Variants in ARHGAP35 observed in about 807,000 individuals in gnomAD.
ARHGAP35 encodes the protein rho GTPase-activating protein 35.
In ARHGAP35, 15 loss-of-function variants were observed where a neutral mutation model predicts 111.1. The ratio of observed to expected loss-of-function variants is 0.13; its 90% CI spans 0.09 to 0.21. The LOEUF (loss-of-function observed/expected upper bound fraction) is 0.21, where lower values mean the gene tolerates loss of function less well. Among genes scored for constraint, ARHGAP35 ranks in the 10% least tolerant of loss-of-function variants. The pLI is 1.00. For synonymous variants in ARHGAP35, 643 were observed against 710.3 expected, an observed-to-expected ratio of 0.91 and a Z score of 1.51; for missense variants, 1,262 against 1,873.0, an observed-to-expected ratio of 0.67 and a Z score of 6.02.
In ARHGAP35 at chr19:46,986,639, AATGTAAAC is replaced by A. The variant is rs1201855574; in HGVS notation, c.3827-1347_3827-1340del. Among the ~76,000 whole-genome samples, 4 of 152,224 alleles carry A rather than the reference AATGTAAAC, an allele frequency of 2.6e-5. No individual in the cohort carries two copies. Among genetic ancestry groups the A allele is most frequent in the Non-Finnish European group, 5.9e-5 (4 of 68,048 alleles). ...TAGAAGACAGATAACAAAAAGGAAA[AATGTAAAC>A]ATATATAACGTTGATATAATTACTT... On this transcript the variant is annotated intron_variant, in intron 3 of 6. Coordinates refer to ENST00000672722, the MANE Select transcript of ARHGAP35 (RefSeq NM_004491.5). The surrounding 1 kb of genome is among the most constrained non-coding windows in gnomAD (Gnocchi z 4.3).
intron 1 of ARHGAP35, among the ~76,000 whole-genome samples, chr19:46,882,738 T>G (rs2055969305): frequency 6.6e-6 from 1 of 152,118 alleles, no homozygotes; most frequent in Non-Finnish European, 1.5e-5. Context: ...CACTTTTGAG[T>G]GAGAACATGC....
chr19:46,896,965 C>A (rs925308653), intron 1 of ARHGAP35, among the ~76,000 whole-genome samples: 3 of 152,132 alleles, frequency 2.0e-5, no homozygotes, highest in Admixed American at 1.3e-4. Context: ...GCGATCTTAG[C>A]TCACTGCAAC....
At chr19:46,871,698 G>A (rs1441620598) in intron 1 of ARHGAP35, among the ~76,000 whole-genome samples, 4 of 151,926 alleles carry the variant, frequency 2.6e-5, no homozygotes, top group Non-Finnish European at 5.9e-5. Context: ...TCTATAGAGG[G>A]CTGGGTGCAG....
Position 46,988,392 on chromosome 19 carries a change from C to A in ARHGAP35, c.3904+326C>A. On this transcript the variant is annotated intron_variant, in intron 4 of 6. Coordinates refer to ENST00000672722, the MANE Select transcript of ARHGAP35 (RefSeq NM_004491.5). The surrounding 1 kb of genome is among the most constrained non-coding windows in gnomAD (Gnocchi z 5.4). ...GCTTTGCCTGTTTTCCCATGCAGAG[C>A]TAGTTGCAGGCACATGATATACAAG... 1 of 318,774 alleles carries A rather than the reference C, an allele frequency of 3.1e-6. No homozygotes were observed. The highest frequency in any genetic ancestry group is 3.0e-5 in the South Asian group (1 of 33,236). The allele number at this position is 318,774 out of a possible 1,614,324, so 19.7% of individuals were successfully genotyped here.
chr19:46,997,947 G>A (rs577275217), intron 5 of ARHGAP35, among the ~76,000 whole-genome samples: 6 of 151,732 alleles, frequency 4.0e-5, no homozygotes, highest in Admixed American at 6.6e-5. Context: ...CTAAAAATAC[G>A]AAAAAATTAG....
intron 3 of ARHGAP35, 127 bp downstream of exon 3, chr19:46,937,535 T>A: frequency 9.4e-7 from 1 of 1,068,938 alleles, no homozygotes; most frequent in Non-Finnish European, 1.4e-6. Context: ...GAGAAGGAGC[T>A]GAGCAGTCCC....
chr19:46,940,479 G>A (rs2056340297), intron 3 of ARHGAP35, among the ~76,000 whole-genome samples: 1 of 152,024 alleles, frequency 6.6e-6, no homozygotes, highest in Non-Finnish European at 1.5e-5. Context: ...AATGAGCCGA[G>A]ATCACGCCAC....
In ARHGAP35 at chr19:47,000,951, T is replaced by C; in HGVS notation, c.*263T>C. On this transcript the variant is annotated 3_prime_UTR_variant, in exon 7 of 7. Transcript: ENST00000672722. This position sits in a 1 kb window ranked among gnomAD's most constrained non-coding sequence, Gnocchi z 6.9. ...CAGGCAATGGCTCCAGTGCCCTCCC[T>C]CTGTTCCCTGGACCACCACCCCACG... is the stretch of plus-strand genomic sequence containing the variant. 10 of 1,519,216 alleles carry C rather than the reference T, an allele frequency of 6.6e-6. No homozygotes were observed. Among genetic ancestry groups the C allele is most frequent in the Non-Finnish European group, 8.8e-6 (10 of 1,136,228 alleles). 94.1% of individuals were successfully genotyped at this position (1,519,216 alleles called of 1,614,324 possible). A position where few individuals can be genotyped will look rare whatever the true frequency, so the allele number is the denominator to read the frequency against.
intron 3 of ARHGAP35, among the ~76,000 whole-genome samples, chr19:46,987,752 G>T (rs375207663): frequency 6.6e-6 from 1 of 152,132 alleles, no homozygotes; most frequent in South Asian, 2.1e-4. Flanking sequence ...TGCTTCTATA[G>T]TCTTTCCATT....
chr19:46,871,567 T>C (rs1207082553), intron 1 of ARHGAP35, among the ~76,000 whole-genome samples: 1 of 151,852 alleles, frequency 6.6e-6, no homozygotes, highest in East Asian at 2.0e-4. Flanking sequence ...GGTCTTGAAC[T>C]CCTGACCTCA....
At chr19:46,870,840 T>C (rs931018829) in intron 1 of ARHGAP35, among the ~76,000 whole-genome samples, 1 of 152,096 alleles carries the variant, frequency 6.6e-6, no homozygotes, top group African/African-American at 2.4e-5. Context: ...TTTTAAGTTT[T>C]TTCTTAAAAA....
At chr19:46,888,304 ATATATATATATAT>A (rs1568461113) in intron 1 of ARHGAP35, among the ~76,000 whole-genome samples, 24 of 69,378 alleles carry the variant, frequency 3.5e-4, no homozygotes, top group Middle Eastern at 7.2e-3. Flanking sequence ...ATATATATAT[ATATATATATATAT>A]AAAATATTGA....
At chr19:46,950,290 G>A (rs1276021799) in intron 3 of ARHGAP35, among the ~76,000 whole-genome samples, 1 of 152,166 alleles carries the variant, frequency 6.6e-6, no homozygotes, top group Non-Finnish European at 1.5e-5. Context: ...CTTTCATCAT[G>A]TGAATATTCC....
At chr19:46,957,540 G>A (rs549219687) in intron 3 of ARHGAP35, among the ~76,000 whole-genome samples, 1 of 152,048 alleles carries the variant, frequency 6.6e-6, no homozygotes, top group Non-Finnish European at 1.5e-5. Flanking sequence ...TTGAGCCTGG[G>A]AGCTCAAGGC....
At chr19:46,925,145 A>G (rs900035769) in intron 2 of ARHGAP35, among the ~76,000 whole-genome samples, 5 of 152,228 alleles carry the variant, frequency 3.3e-5, no homozygotes, top group African/African-American at 1.2e-4. Context: ...GCCCAAGAGC[A>G]ATAGCGTGCC....
At position 46,937,420 on chromosome 19, in the gene ARHGAP35, A is replaced by G. The variant is rs1238574982; in HGVS notation, c.3826+12A>G. On this transcript the variant is annotated intron_variant, in intron 3 of 6. Transcript: ENST00000672722. ...CATTGAAGCCACAGGTAAGAGTATT[A>G]CCTCATAGCAGTTTATAACTTTCAC... is the stretch of plus-strand genomic sequence containing the variant. 6.2e-7 allele frequency: 1 copy of G among 1,613,560 alleles called. No homozygotes were observed. The highest frequency in any genetic ancestry group is 8.5e-7 in the Non-Finnish European group (1 of 1,179,538).
At chr19:46,907,601 C>T (rs2056116957) in intron 1 of ARHGAP35, among the ~76,000 whole-genome samples, 1 of 151,974 alleles carries the variant, frequency 6.6e-6, no homozygotes, top group Non-Finnish European at 1.5e-5. Flanking sequence ...GTCTCAGCCT[C>T]CCGAGTAGCT....
Position 46,891,586 on chromosome 19 carries a change from C to G in ARHGAP35, c.-188-26902C>G, listed in dbSNP as rs1412777248. ...GGACTACAGGCTAGCACCACCATGC[C>G]CAGCTAATTTTTGTATTTTCAGTAG... On this transcript the variant is annotated intron_variant, in intron 1 of 6. Transcript: ENST00000672722. 2.6e-5 allele frequency among the ~76,000 whole-genome samples: 4 copies of G among 152,080 alleles called. No individual in the cohort carries two copies. In the East Asian group the frequency reaches 7.8e-4, roughly 30 times the overall value.
At chr19:46,868,893 ATT>A (rs59080309) in intron 1 of ARHGAP35, among the ~76,000 whole-genome samples, 250 of 58,644 alleles carry the variant, frequency 4.3e-3, no homozygotes, top group African/African-American at 0.014. Flanking sequence ...GCTCACCGTG[ATT>A]TTTTTTTTTT....
Sources: gnomAD v4.1 joint callset for allele counts (sites outside exome capture counted in the v4.1 genomes callset) on GRCh38, gnomAD v4.1.1 for gene constraint, Gnocchi (gnomAD v3.1) non-coding constraint, MANE v1.5 for transcripts, NCBI Gene and HGNC (gene_info 2026-07-23, HGNC 2026-07-21) for gene names.